The following SULF2 variants were observed in gnomAD, a reference collection of about 807,000 sequenced individuals.
SULF2 encodes extracellular sulfatase Sulf-2.
In SULF2, 52 loss-of-function variants were observed where a neutral mutation model predicts 107.7. The ratio of observed to expected loss-of-function variants is 0.48; its 90% CI spans 0.39 to 0.61. SULF2 has a LOEUF of 0.61. SULF2 is among the 20% of genes least tolerant of loss of function. The probability of loss-of-function intolerance (pLI) is 0.00; values close to 1 mark genes in which losing one functional copy is unlikely to be tolerated. For synonymous variants in SULF2, 460 were observed against 464.3 expected (o/e 0.99, Z 0.12); for missense variants, 993 against 1,177.3 (o/e 0.84, Z 2.29).
At chr20:47,669,981 A>C (rs1224479394) in intron 11 of SULF2, among the ~76,000 whole-genome samples, 4 of 152,148 alleles carry the variant, frequency 2.6e-5, no homozygotes, top group African/African-American at 9.7e-5. Context: ...AGTAGTTCCT[A>C]ATCAGCTGGT....
chr20:47,711,459 G>A (rs2146645520), intron 3 of SULF2, among the ~76,000 whole-genome samples: 1 of 152,338 alleles, frequency 6.6e-6, no homozygotes, highest in East Asian at 1.9e-4. Context: ...CCTCCCAAGA[G>A]GCAGCCAGCA....
At chr20:47,679,867 C>T (rs575435312) in intron 7 of SULF2, among the ~76,000 whole-genome samples, 6 of 152,112 alleles carry the variant, frequency 3.9e-5, no homozygotes, top group Admixed American at 1.3e-4. Context: ...TTCGGAACTG[C>T]GCCCCCTCCC....
At chr20:47,658,437 CTT>C (rs769767614) in intron 20 of SULF2, 45 bp from the exon 21 acceptor site, 227 of 1,591,650 alleles carry the variant, frequency 1.4e-4, no homozygotes, top group Non-Finnish European at 1.5e-4. Flanking sequence ...CTATCATGGT[CTT>C]TATCATGACT....
chr20:47,713,185 C>T (rs1294709855), intron 3 of SULF2, among the ~76,000 whole-genome samples: 1 of 152,144 alleles, frequency 6.6e-6, no homozygotes, highest in African/African-American at 2.4e-5. Context: ...ATACACTGAA[C>T]CAGGGGTGAT....
chr20:47,757,907 T>C (rs1262767165), intron 1 of SULF2, among the ~76,000 whole-genome samples: 3 of 151,912 alleles, frequency 2.0e-5, no homozygotes, highest in African/African-American at 7.3e-5. Context: ...AAGTTCCAGC[T>C]CCCCAGCAGC....
At chr20:47,668,684 C>T (rs1196816415) in intron 11 of SULF2, among the ~76,000 whole-genome samples, 1 of 152,232 alleles carries the variant, frequency 6.6e-6, no homozygotes, top group African/African-American at 2.4e-5. Context: ...GCATTCATGC[C>T]TGATGAGCTG....
Position 47,672,335 on chromosome 20 carries a change from G to A in SULF2, c.1439C>T (p.Pro480Leu), listed in dbSNP as rs2087504900. The change falls in exon 11 of 21, where the codon CCC becomes CTC. Residue 480 changes from proline (P) to leucine (L), a missense_variant. Around this residue, in one of 3 missense-constraint regions of SULF2, gnomAD observed 497 missense variants for 544.1 expected, o/e 0.91. Transcript: ENST00000688720. ...GKLKLHKCKG[P>L]MRLGGSRALS... ...GGCTCTGCTGCCGCCCAGCCGCATG[G>A]GGCCCTTGCACTTATGCAGCTTCAG... 1 of 1,613,196 alleles carries A rather than the reference G, an allele frequency of 6.2e-7. No individual in the cohort carries two copies. The highest frequency in any genetic ancestry group is 1.3e-5 in the African/African-American group (1 of 75,026).
intron 1 of SULF2, among the ~76,000 whole-genome samples, chr20:47,777,379 T>A (rs76792367): frequency 0.014 from 2,063 of 151,368 alleles, 46 homozygotes; most frequent in African/African-American, 0.048. Context: ...AGTCCTGTCC[T>A]ATAGTCCCAC....
chr20:47,779,444 C>T (rs1222181820), intron 1 of SULF2, among the ~76,000 whole-genome samples: 3 of 152,184 alleles, frequency 2.0e-5, no homozygotes, highest in Non-Finnish European at 2.9e-5. Flanking sequence ...TCCATTGATA[C>T]CACCACGGTC....
intron 2 of SULF2, among the ~76,000 whole-genome samples, chr20:47,753,946 G>C (rs1395618411): frequency 6.6e-6 from 1 of 152,170 alleles, no homozygotes; most frequent in Admixed American, 6.5e-5. Flanking sequence ...TGGTCTCAGA[G>C]GGCCATTGAG....
At chr20:47,778,017 T>G (rs997196067) in intron 1 of SULF2, among the ~76,000 whole-genome samples, 3 of 150,706 alleles carry the variant, frequency 2.0e-5, no homozygotes, top group African/African-American at 7.3e-5. Context: ...GGCCTGTGCC[T>G]ATAGTCCCAC....
At chr20:47,777,681 T>C (rs559530226) in intron 1 of SULF2, among the ~76,000 whole-genome samples, 1 of 152,350 alleles carries the variant, frequency 6.6e-6, no homozygotes, top group South Asian at 2.1e-4. Context: ...CTAAGAATTA[T>C]AGTAGGCTTT....
chr20:47,780,815 A>G (rs1436413943), intron 1 of SULF2, among the ~76,000 whole-genome samples: 1 of 152,162 alleles, frequency 6.6e-6, no homozygotes, highest in Non-Finnish European at 1.5e-5. Context: ...CGGCCTCTCA[A>G]AGTGCTGGGA....
chr20:47,681,182 G>A (rs73913415), intron 7 of SULF2, among the ~76,000 whole-genome samples: 34,798 of 152,122 alleles, frequency 0.23, 4,063 homozygotes, highest in South Asian at 0.27. Flanking sequence ...GCTTTCCAAT[G>A]GCATTGTAAG....
chr20:47,678,894 GT>G lies in SULF2; in HGVS notation c.1065-91del, dbSNP rs1210580857. The G allele has an allele frequency of 9.0e-7, 1 of 1,114,252 alleles. No individual in the cohort carries two copies. Among genetic ancestry groups the G allele is most frequent in the East Asian group, 2.4e-5 (1 of 42,152 alleles). The allele number at this position is 1,114,252 out of a possible 1,614,324, so 69.0% of individuals were successfully genotyped here. A position where few individuals can be genotyped will look rare whatever the true frequency, so the allele number is the denominator to read the frequency against. On this transcript the variant is annotated intron_variant, in intron 7 of 20. Transcript: ENST00000688720. The surrounding 1 kb of genome is among the most constrained non-coding windows in gnomAD (Gnocchi z 4.5). ...GGTGGGGAGCGGTAGGTGGGCAGCAGTTTGTGGGAGGCTGACATCTGCAGGT... is the reference window on the plus strand; with the variant it reads ...GGTGGGGAGCGGTAGGTGGGCAGCAGTTGTGGGAGGCTGACATCTGCAGGT...
upstream of SULF2, chr20:47,786,260 T>G (rs1200913238): frequency 2.0e-5 from 3 of 152,144 alleles, no homozygotes; most frequent in East Asian, 3.9e-4. Flanking sequence ...GGAAACGACG[T>G]GAATCTGCCT....
At chr20:47,686,338 A>C (rs973051240) in intron 5 of SULF2, 2 of 152,332 alleles carry the variant, frequency 1.3e-5, no homozygotes, top group African/African-American at 4.8e-5. Context: ...TTGTCACCTC[A>C]GTTTATGCCG....
intron 4 of SULF2, among the ~76,000 whole-genome samples, chr20:47,699,876 T>C (rs1164224470): frequency 6.6e-6 from 1 of 152,208 alleles, no homozygotes; most frequent in African/African-American, 2.4e-5. Context: ...AGACACCTTC[T>C]CCACCGTCTC....
upstream of SULF2, chr20:47,785,519 T>TCCTCCCC (rs1723328904): frequency 7.3e-6 from 1 of 137,706 alleles, no homozygotes; most frequent in South Asian, 1.9e-4. Flanking sequence ...TCCTCCTGCC[T>TCCTCCCC]CCTCCCCGCC....
Sources: gnomAD v4.1 joint callset for allele counts (sites outside exome capture counted in the v4.1 genomes callset) on GRCh38, gnomAD v4.1.1 for gene constraint, gnomAD v4.1.1 regional missense constraint, Gnocchi (gnomAD v3.1) non-coding constraint, MANE v1.5 for transcripts, NCBI Gene and HGNC (gene_info 2026-07-23, HGNC 2026-07-21) for gene names.